FBXL17: variants seen among roughly 807,000 people sequenced by gnomAD.
FBXL17 encodes F-box/LRR-repeat protein 17.
FBXL17 carries 22 observed loss-of-function variants against 66.2 expected under a neutral mutation model. That is an observed-to-expected ratio of 0.33 (90% CI 0.24 to 0.47). The LOEUF (loss-of-function observed/expected upper bound fraction) is 0.47. FBXL17 is among the 20% of genes least tolerant of loss of function. FBXL17 has a pLI of 1.00. For synonymous variants in FBXL17, 474 were observed against 400.5 expected, an observed-to-expected ratio of 1.18 and a Z score of -2.19; for missense variants, 878 against 948.2, an observed-to-expected ratio of 0.93 and a Z score of 0.97.
chr5:107,902,246 T>TGAGAA (rs1254417369), intron 7 of FBXL17, among the ~76,000 whole-genome samples: 4 of 152,186 alleles, frequency 2.6e-5, no homozygotes, highest in Non-Finnish European at 5.9e-5. Flanking sequence ...CTGGATACTT[T>TGAGAA]GAGAAATCAG....
intron 1 of FBXL17, among the ~76,000 whole-genome samples, chr5:108,373,538 G>C (rs939688960): frequency 6.6e-6 from 1 of 151,602 alleles, no homozygotes; most frequent in African/African-American, 2.4e-5. Context: ...AAGACATAGA[G>C]AAAACAAATA....
chr5:108,266,430 T>C (rs552205195), intron 4 of FBXL17, among the ~76,000 whole-genome samples: 1 of 152,144 alleles, frequency 6.6e-6, no homozygotes, highest in African/African-American at 2.4e-5. Flanking sequence ...GTCCAGCATA[T>C]CCACAAATGT....
At chr5:108,207,838 A>C (rs1754191784) in intron 5 of FBXL17, among the ~76,000 whole-genome samples, 1 of 152,216 alleles carries the variant, frequency 6.6e-6, no homozygotes, top group Non-Finnish European at 1.5e-5. Context: ...GTATATACCC[A>C]GTAATGGGAT....
chr5:108,271,677 A>G (rs1165039586), intron 4 of FBXL17, among the ~76,000 whole-genome samples: 1 of 152,242 alleles, frequency 6.6e-6, no homozygotes, highest in African/African-American at 2.4e-5. Flanking sequence ...ACATGCTCAG[A>G]AAGATATAAA....
chr5:108,049,243 A>G (rs193018594), intron 6 of FBXL17, among the ~76,000 whole-genome samples: 111 of 152,030 alleles, frequency 7.3e-4, no homozygotes, highest in African/African-American at 2.7e-3. Flanking sequence ...CCCAGGTTCA[A>G]GCAATTCCCC....
chr5:108,068,715 C>T (rs1344883457), intron 6 of FBXL17, among the ~76,000 whole-genome samples: 1 of 152,150 alleles, frequency 6.6e-6, no homozygotes, highest in South Asian at 2.1e-4. Flanking sequence ...CCTCAGCCTC[C>T]AAAAGTGCTG....
intron 4 of FBXL17, among the ~76,000 whole-genome samples, chr5:108,289,928 T>C (rs1447575606): frequency 6.6e-6 from 1 of 152,156 alleles, no homozygotes; most frequent in Non-Finnish European, 1.5e-5. Flanking sequence ...GGAAAGTCTT[T>C]GTGCAAGTGT....
At chr5:107,883,533 C>T (rs1182028338) in intron 7 of FBXL17, among the ~76,000 whole-genome samples, 2 of 152,158 alleles carry the variant, frequency 1.3e-5, no homozygotes, top group South Asian at 2.1e-4. Context: ...CAATCCAAGG[C>T]TTACCCCCCA....
At chr5:107,923,121 C>A (rs1160406576) in intron 7 of FBXL17, among the ~76,000 whole-genome samples, 1 of 152,050 alleles carries the variant, frequency 6.6e-6, no homozygotes, top group Non-Finnish European at 1.5e-5. Flanking sequence ...TAGCAATGGG[C>A]ATGCCAGTAT....
chr5:108,252,067 T>C (rs764088868), intron 4 of FBXL17, among the ~76,000 whole-genome samples: 1 of 152,136 alleles, frequency 6.6e-6, no homozygotes, highest in African/African-American at 2.4e-5. Flanking sequence ...TGTGTGTACT[T>C]AGAAGTGGAA....
intron 6 of FBXL17, among the ~76,000 whole-genome samples, chr5:108,163,525 C>T (rs886251001): frequency 3.9e-5 from 6 of 151,974 alleles, no homozygotes; most frequent in African/African-American, 9.7e-5. Context: ...CTCAGCCTCC[C>T]GAGTAGCGGG....
intron 6 of FBXL17, among the ~76,000 whole-genome samples, chr5:108,179,083 C>G (rs1752903153): frequency 6.6e-6 from 1 of 152,148 alleles, no homozygotes; most frequent in Non-Finnish European, 1.5e-5. Flanking sequence ...GATTATCTAT[C>G]CAGACCTTGA....
intron 4 of FBXL17, among the ~76,000 whole-genome samples, chr5:108,290,926 A>T (rs1758085289): frequency 6.6e-6 from 1 of 152,198 alleles, no homozygotes; most frequent in Non-Finnish European, 1.5e-5. Flanking sequence ...ATCACAATTT[A>T]AAAATTAACA....
chr5:107,960,544 G>C (rs1328731276), intron 7 of FBXL17, among the ~76,000 whole-genome samples: 2 of 152,068 alleles, frequency 1.3e-5, no homozygotes, highest in East Asian at 3.9e-4. Context: ...TTCAACTTTA[G>C]ATTTCTATAG....
intron 5 of FBXL17, among the ~76,000 whole-genome samples, chr5:108,211,747 G>C (rs1414356982): frequency 6.6e-6 from 1 of 152,012 alleles, no homozygotes; most frequent in Non-Finnish European, 1.5e-5. Flanking sequence ...TTTCTCTCTG[G>C]CTGCCCTTAA....
At chr5:107,924,238 CA>C (rs1750421827) in intron 7 of FBXL17, among the ~76,000 whole-genome samples, 1 of 151,924 alleles carries the variant, frequency 6.6e-6, no homozygotes, top group Non-Finnish European at 1.5e-5. Flanking sequence ...TTGCAGCCTT[CA>C]CCAAGAAATA....
At chr5:107,946,886 G>A (rs1033962939) in intron 7 of FBXL17, among the ~76,000 whole-genome samples, 1 of 152,048 alleles carries the variant, frequency 6.6e-6, no homozygotes, top group African/African-American at 2.4e-5. Flanking sequence ...GCAGGAATGG[G>A]TACTGGGTAG....
intron 7 of FBXL17, among the ~76,000 whole-genome samples, chr5:107,946,932 T>G (rs922394148): frequency 1.3e-5 from 2 of 152,170 alleles, no homozygotes; most frequent in Non-Finnish European, 2.9e-5. Context: ...TTTTTTTTCA[T>G]ATACCTTTTT....
rs189540016 is a variant in FBXL17 at position 107,936,461 on chromosome 5, G to A, written c.1823-55282C>T. On this transcript the variant is annotated intron_variant, in intron 7 of 8. Transcript: ENST00000542267. ...TTTAAAAAAAATTCCCAGGGGCTGA[G>A]AATCCTCATACATTTGCTGCTTTTC... 5.9e-5 allele frequency among the ~76,000 whole-genome samples: 9 copies of A among 152,144 alleles called. No homozygotes were observed. In the South Asian group the frequency reaches 8.3e-4, roughly 14 times the overall value.
Sources: gnomAD v4.1 joint callset for allele counts (sites outside exome capture counted in the v4.1 genomes callset) on GRCh38, gnomAD v4.1.1 for gene constraint, MANE v1.5 for transcripts, NCBI Gene and HGNC (gene_info 2026-07-23, HGNC 2026-07-21) for gene names.